TENT4B: variants seen among roughly 807,000 people sequenced by gnomAD.
TENT4B encodes terminal nucleotidyltransferase 4B.
In TENT4B, 10 loss-of-function variants were observed where a neutral mutation model predicts 75.0. The ratio of observed to expected loss-of-function variants is 0.13; its 90% CI spans 0.08 to 0.23. The LOEUF is 0.23. TENT4B is among the 10% of genes least tolerant of loss of function. The pLI is 1.00. For missense variants in TENT4B, 579 were observed against 893.8 expected (o/e 0.65, Z 4.49); for synonymous variants, 350 against 357.7 (o/e 0.98, Z 0.24).
intron 1 of TENT4B, among the ~76,000 whole-genome samples, chr16:50,207,546 C>T (rs1269410497): frequency 1.3e-5 from 2 of 152,136 alleles, no homozygotes; most frequent in Non-Finnish European, 2.9e-5. Context: ...TGGGTACATA[C>T]AGGTTCAGAT....
At chr16:50,198,264 A>G (rs2030406473) in intron 1 of TENT4B, among the ~76,000 whole-genome samples, 1 of 151,836 alleles carries the variant, frequency 6.6e-6, no homozygotes, top group South Asian at 2.1e-4. Flanking sequence ...AAAAAATACA[A>G]AAAAATTAGC....
intron 1 of TENT4B, among the ~76,000 whole-genome samples, chr16:50,185,512 A>T (rs17214014): frequency 6.6e-6 from 1 of 152,286 alleles, no homozygotes; most frequent in African/African-American, 2.4e-5. Flanking sequence ...CCCTGTGTCA[A>T]TGGGTCATCT....
rs368620941 is a variant in TENT4B, at chr16:50,214,448, G to A, written c.809+181G>A. ...AGGAGGGTGGATCATTTGAGGTCAG[G>A]AGTTCAAGACCAGCCTGGCCAACAT... On this transcript the variant is annotated intron_variant, in intron 3 of 11. Transcript: ENST00000561678. Among the ~76,000 whole-genome samples, 16 of 152,228 alleles carry A rather than the reference G, an allele frequency of 1.1e-4. 1 individual carries two copies. The highest frequency in any genetic ancestry group is 2.0e-4 in the Admixed American group (3 of 15,294).
rs775473213 is a variant in TENT4B, at chr16:50,211,798, A to G, written c.762+352A>G. On this transcript the variant is annotated intron_variant, in intron 2 of 11. Transcript: ENST00000561678. ...TATGATATATCAAAACCTCATTACTACTTAGTTCCAGCCTGCCAGGGTAAA... is the reference window on the plus strand; with the variant it reads ...TATGATATATCAAAACCTCATTACTGCTTAGTTCCAGCCTGCCAGGGTAAA... 6.2e-4 allele frequency among the ~76,000 whole-genome samples: 95 copies of G among 152,310 alleles called. No individual in the cohort carries two copies. The Middle Eastern group carries it at 0.01, about 16-fold the overall frequency.
At position 50,233,110 on chromosome 16, in the gene TENT4B, A is replaced by AT; in HGVS notation, c.*3784dup. The AT allele has an allele frequency of 1.0e-6, 1 of 983,478 alleles. No individual in the cohort carries two copies. Among genetic ancestry groups the AT allele is most frequent in the African/African-American group, 1.7e-5 (1 of 57,338 alleles). The allele number at this position is 983,478 out of a possible 1,614,324, so 60.9% of individuals were successfully genotyped here. A position where few individuals can be genotyped will look rare whatever the true frequency, so the allele number is the denominator to read the frequency against. On this transcript the variant is annotated 3_prime_UTR_variant, in exon 12 of 12. Transcript: ENST00000561678. ...TCTATAAATGCGTCTAACAAACCTA[A>AT]TTGAATATAAAAGTTATATTTAGTA...
Position 50,229,381 on chromosome 16 carries a change from C to A in TENT4B, c.*53C>A. On this transcript the variant is annotated 3_prime_UTR_variant, in exon 12 of 12. Transcript: ENST00000561678. ...CTGTGCAATGATCTCATGCTCAGGA[C>A]AGTTGCGCAGGGACTCCTGGGAGAT... The A allele has an allele frequency of 6.5e-7, 1 of 1,543,534 alleles. No homozygotes were observed. The highest frequency in any genetic ancestry group is 2.3e-5 in the East Asian group (1 of 43,508).
intron 1 of TENT4B, among the ~76,000 whole-genome samples, chr16:50,206,759 G>A (rs1180304718): frequency 6.6e-6 from 1 of 152,054 alleles, no homozygotes; most frequent in African/African-American, 2.4e-5. Context: ...GTGTGCCCAG[G>A]GTGGTCCAGC....
Position 50,161,849 on chromosome 16 carries a change from A to G in TENT4B, c.638+7590A>G, listed in dbSNP as rs10451129. Among the ~76,000 whole-genome samples the G allele has an allele frequency of 1.9e-3, 282 of 152,218 alleles. 1 individual carries two copies. The highest frequency in any genetic ancestry group is 5.9e-3 in the African/African-American group (246 of 41,538). The stretch of plus-strand genomic sequence containing the variant: ...TTCACATGTATTTGTGTGTGTGTGT[A>G]TATATATAATTGTATGCAATTTTAT... On this transcript the variant is annotated intron_variant, in intron 1 of 11. Transcript: ENST00000561678.
In TENT4B at chr16:50,176,494, C is replaced by CTTT. The variant is rs34067223; in HGVS notation, c.638+22263_638+22265dup. 1.9e-4 allele frequency among the ~76,000 whole-genome samples: 10 copies of CTTT among 53,092 alleles called. 1 individual carries two copies. Among genetic ancestry groups the CTTT allele is most frequent in the Non-Finnish European group, 2.4e-4 (8 of 33,086 alleles). The allele number at this position is 53,092 out of a possible 152,430, so 34.8% of individuals were successfully genotyped here. Reference sequence around the variant, plus strand: ...GTGTCAACCATATATACCAATAATTCTTTTTTTTTTTTTTTTTTTTTTTTT... The same window carrying CTTT: ...GTGTCAACCATATATACCAATAATTCTTTTTTTTTTTTTTTTTTTTTTTTTTTT... On this transcript the variant is annotated intron_variant, in intron 1 of 11. Transcript: ENST00000561678.
In TENT4B at chr16:50,235,066, T is replaced by C. The variant is rs1358616888; in HGVS notation, c.*5738T>C. The C allele has an allele frequency of 4.1e-6, 4 of 983,412 alleles. No individual in the cohort carries two copies. The East Asian group carries it at 4.5e-4, about 112-fold the overall frequency. The allele number at this position is 983,412 out of a possible 1,614,324, so 60.9% of individuals were successfully genotyped here. On this transcript the variant is annotated 3_prime_UTR_variant, in exon 12 of 12. Transcript: ENST00000561678. Reference sequence around the variant, plus strand: ...AGAAAAAGATATTTGATACAAGTGATTTAAGAAATCTCAACATTTCCTGAG... The same window carrying C: ...AGAAAAAGATATTTGATACAAGTGACTTAAGAAATCTCAACATTTCCTGAG...
At chr16:50,204,257 G>GA (rs1355330011) in intron 1 of TENT4B, among the ~76,000 whole-genome samples, 1 of 152,144 alleles carries the variant, frequency 6.6e-6, no homozygotes, top group African/African-American at 2.4e-5. Context: ...AAAAAGACTT[G>GA]AACTCAGAGC....
chr16:50,184,301 T>C (rs1306336061), intron 1 of TENT4B, among the ~76,000 whole-genome samples: 1 of 152,252 alleles, frequency 6.6e-6, no homozygotes, highest in Non-Finnish European at 1.5e-5. Context: ...TATTCCATTG[T>C]ATGGTTATAC....
In TENT4B at chr16:50,233,613, G is replaced by T; in HGVS notation, c.*4285G>T. Reference sequence around the variant, plus strand: ...AGGCTGCTGATCTATTTGATACCTAGAATTAAATATTTGAGGACAGTTTTT... The same window carrying T: ...AGGCTGCTGATCTATTTGATACCTATAATTAAATATTTGAGGACAGTTTTT... On this transcript the variant is annotated 3_prime_UTR_variant, in exon 12 of 12. Transcript: ENST00000561678. 1.0e-6 allele frequency: 1 copy of T among 983,010 alleles called. No homozygotes were observed. The highest frequency in any genetic ancestry group is 4.7e-5 in the South Asian group (1 of 21,252). 60.9% of individuals were successfully genotyped at this position (983,010 alleles called of 1,614,324 possible).
In TENT4B at chr16:50,169,914, G is replaced by A. The variant is rs137958000; in HGVS notation, c.638+15655G>A. Among the ~76,000 whole-genome samples the A allele has an allele frequency of 8.3e-3, 1,263 of 152,326 alleles. 11 individuals are homozygous for A. The highest frequency in any genetic ancestry group is 0.021 in the South Asian group (102 of 4,828). ...TGCTTTTAGCTGTTGGTAGCTGAAG[G>A]AAACCAGAACAGACCTATGACCTGT... On this transcript the variant is annotated intron_variant, in intron 1 of 11. Coordinates refer to ENST00000561678, the MANE Select transcript of TENT4B (RefSeq NM_001365324.3).
At chr16:50,203,057 T>G (rs1047461354) in intron 1 of TENT4B, among the ~76,000 whole-genome samples, 1 of 152,188 alleles carries the variant, frequency 6.6e-6, no homozygotes. Context: ...TAGACGAGTA[T>G]CCATTCCCTG....
intron 1 of TENT4B, among the ~76,000 whole-genome samples, chr16:50,170,004 C>A (rs536218664): frequency 6.6e-6 from 1 of 152,298 alleles, no homozygotes; most frequent in Non-Finnish European, 1.5e-5. Context: ...AAGATGCTTG[C>A]TTTCCCTTGA....
intron 1 of TENT4B, among the ~76,000 whole-genome samples, chr16:50,184,277 ATGTGGC>A (rs938577815): frequency 3.3e-5 from 5 of 152,126 alleles, no homozygotes; most frequent in Non-Finnish European, 7.4e-5. Flanking sequence ...TTTATCCTTT[ATGTGGC>A]TGGGTAATAT....
intron 1 of TENT4B, among the ~76,000 whole-genome samples, chr16:50,166,226 A>T (rs1276787471): frequency 6.6e-6 from 1 of 152,130 alleles, no homozygotes. Flanking sequence ...CTGGGATTAC[A>T]GGCGCATGTC....
At chr16:50,157,730 A>G (rs943937520) in intron 1 of TENT4B, among the ~76,000 whole-genome samples, 2 of 151,880 alleles carry the variant, frequency 1.3e-5, no homozygotes, top group African/African-American at 4.8e-5. Flanking sequence ...GTGTGCTGGG[A>G]TTACAGGTGT....
Sources: allele counts gnomAD v4.1 joint callset (sites outside exome capture counted in the v4.1 genomes callset), GRCh38; gene constraint gnomAD v4.1.1; transcripts MANE v1.5; gene names NCBI Gene and HGNC (gene_info 2026-07-23, HGNC 2026-07-21).